The following DLGAP1 variants were observed in gnomAD, a reference collection of about 807,000 sequenced individuals.
DLGAP1 encodes DLG associated protein 1.
DLGAP1 carries 11 observed loss-of-function variants against 90.8 expected under a neutral mutation model. The ratio of observed to expected loss-of-function variants is 0.12; its 90% CI spans 0.08 to 0.20. DLGAP1 has a LOEUF of 0.20. Ranked by LOEUF, DLGAP1 falls within the 10% of genes least tolerant of loss-of-function variation. The pLI, the probability that DLGAP1 is intolerant of heterozygous loss-of-function variation, is 1.00. For synonymous variants in DLGAP1, 558 were observed against 540.7 expected, an observed-to-expected ratio of 1.03 and a Z score of -0.44; for missense variants, 1,050 against 1,333.8, an observed-to-expected ratio of 0.79 and a Z score of 3.31.
intron 1 of DLGAP1, among the ~76,000 whole-genome samples, chr18:4,433,725 A>T (rs893556570): frequency 6.6e-5 from 10 of 152,182 alleles, no homozygotes; most frequent in Non-Finnish European, 1.2e-4. Context: ...AATGCATTTT[A>T]TCTGTTAGAG....
At chr18:3,940,190 C>T (rs2072738412) in intron 3 of DLGAP1, among the ~76,000 whole-genome samples, 1 of 152,188 alleles carries the variant, frequency 6.6e-6, no homozygotes, top group Admixed American at 6.5e-5. Flanking sequence ...AGGCCTCCTG[C>T]AAACAGCTAC....
chr18:3,877,052 G>A (rs966857629), intron 4 of DLGAP1, among the ~76,000 whole-genome samples: 3 of 152,150 alleles, frequency 2.0e-5, no homozygotes, highest in Admixed American at 6.5e-5. Context: ...CCTCCAGATT[G>A]TGGGGCTTTA....
intron 7 of DLGAP1, among the ~76,000 whole-genome samples, chr18:3,693,092 T>C (rs2060955130): frequency 1.3e-5 from 2 of 152,198 alleles, no homozygotes; most frequent in African/African-American, 4.8e-5. Flanking sequence ...AGGCAAACTA[T>C]ATTTTCTTTT....
At chr18:4,381,596 A>G (rs567571216) in intron 1 of DLGAP1, among the ~76,000 whole-genome samples, 1 of 152,236 alleles carries the variant, frequency 6.6e-6, no homozygotes, top group East Asian at 1.9e-4. Context: ...GTTCTAGCAG[A>G]TTAAGAATCT....
chr18:4,037,996 G>C (rs1217474129), intron 2 of DLGAP1, among the ~76,000 whole-genome samples: 2 of 152,180 alleles, frequency 1.3e-5, no homozygotes, highest in Admixed American at 1.3e-4. Context: ...CATGTGATCA[G>C]AGGCAAAAAC....
Position 3,795,517 on chromosome 18 carries a change from T to C in DLGAP1, c.1172+18542A>G, listed in dbSNP as rs190316793. Among the ~76,000 whole-genome samples, 531 of 152,256 alleles carry C rather than the reference T, an allele frequency of 3.5e-3. 4 individuals are homozygous for C. The highest frequency in any genetic ancestry group is 0.017 in the Middle Eastern group (5 of 294). ...TTTTAGTAGAGACGGGGTTTCACCATGTTGGCCAGGATGGTCTCGATCTCT... is the reference window on the plus strand; with the variant it reads ...TTTTAGTAGAGACGGGGTTTCACCACGTTGGCCAGGATGGTCTCGATCTCT... On this transcript the variant is annotated intron_variant, in intron 5 of 12. Coordinates refer to ENST00000315677, the MANE Select transcript of DLGAP1 (RefSeq NM_004746.4).
At chr18:3,815,442 CT>C (rs1243763503) in intron 4 of DLGAP1, among the ~76,000 whole-genome samples, 1 of 152,176 alleles carries the variant, frequency 6.6e-6, no homozygotes, top group African/African-American at 2.4e-5. Context: ...AATAACACCT[CT>C]TTGCAAGTTT....
At position 3,616,661 on chromosome 18, in the gene DLGAP1, T is replaced by G. The variant is rs2057881155; in HGVS notation, c.1592-34413A>C. Among the ~76,000 whole-genome samples, 2 of 151,352 alleles carry G rather than the reference T, an allele frequency of 1.3e-5. 1 individual carries two copies. Among genetic ancestry groups the G allele is most frequent in the Admixed American group, 1.3e-4 (2 of 15,176 alleles). Reference sequence around the variant, plus strand: ...TCCCAGCTACTCCAGAGGCTGAGGTTGGAGGATCACTTGAGCCCAGAAGGT... The same window carrying G: ...TCCCAGCTACTCCAGAGGCTGAGGTGGGAGGATCACTTGAGCCCAGAAGGT... On this transcript the variant is annotated intron_variant, in intron 7 of 12. Transcript: ENST00000315677.
chr18:3,586,468 A>G (rs772120009), intron 7 of DLGAP1, among the ~76,000 whole-genome samples: 7 of 152,044 alleles, frequency 4.6e-5, no homozygotes, highest in Non-Finnish European at 8.8e-5. Flanking sequence ...GGAAGGTAAA[A>G]GGAATTCAAA....
At chr18:4,085,385 C>T (rs1423692322) in intron 2 of DLGAP1, among the ~76,000 whole-genome samples, 1 of 152,038 alleles carries the variant, frequency 6.6e-6, no homozygotes. Context: ...TTCAGCAAAA[C>T]CTGCTTAAGT....
intron 3 of DLGAP1, among the ~76,000 whole-genome samples, chr18:3,906,823 T>C (rs2071917513): frequency 6.6e-6 from 1 of 152,244 alleles, no homozygotes; most frequent in African/African-American, 2.4e-5. Context: ...TAACACACCA[T>C]GAGTGTGGTT....
intron 1 of DLGAP1, among the ~76,000 whole-genome samples, chr18:4,299,058 G>A (rs1022058215): frequency 2.1e-5 from 3 of 144,366 alleles, no homozygotes; most frequent in African/African-American, 7.9e-5. Context: ...TCTAGCCTGG[G>A]CGACAGAGCG....
At chr18:3,513,403 T>C (rs1189042381) in intron 10 of DLGAP1, among the ~76,000 whole-genome samples, 1 of 152,236 alleles carries the variant, frequency 6.6e-6, no homozygotes, top group African/African-American at 2.4e-5. Flanking sequence ...GCCACAGCCT[T>C]CTGAGCAGCT....
intron 2 of DLGAP1, among the ~76,000 whole-genome samples, chr18:4,012,087 T>C (rs2074434926): frequency 6.6e-6 from 1 of 152,038 alleles, no homozygotes; most frequent in African/African-American, 2.4e-5. Context: ...TCAAGCCCAA[T>C]CCTTTTCCAC....
At chr18:3,584,224 C>A (rs944658034) in intron 7 of DLGAP1, among the ~76,000 whole-genome samples, 3 of 152,172 alleles carry the variant, frequency 2.0e-5, no homozygotes, top group Non-Finnish European at 4.4e-5. Flanking sequence ...ATTATAAATT[C>A]ATTCAAATAA....
rs62087787 is a variant in DLGAP1, at chr18:4,408,980, A to C, written c.-267+46026T>G. On this transcript the variant is annotated intron_variant, in intron 1 of 12. Transcript: ENST00000315677. Reference sequence around the variant, plus strand: ...CATTATACACACACACACACACACAAACACACACACACACACACACATTGT... The same window carrying C: ...CATTATACACACACACACACACACACACACACACACACACACACACATTGT... Among the ~76,000 whole-genome samples the C allele has an allele frequency of 2.3e-3, 350 of 150,136 alleles. 1 individual carries two copies. Among genetic ancestry groups the C allele is most frequent in the African/African-American group, 7.7e-3 (316 of 41,042 alleles).
intron 8 of DLGAP1, among the ~76,000 whole-genome samples, chr18:3,576,563 C>A (rs1205079341): frequency 6.8e-6 from 1 of 146,610 alleles, no homozygotes; most frequent in African/African-American, 2.6e-5. Flanking sequence ...CCAGCTCCAG[C>A]TCCTTTTTTT....
intron 1 of DLGAP1, among the ~76,000 whole-genome samples, chr18:4,246,648 ATC>A (rs2078658485): frequency 6.6e-6 from 1 of 152,170 alleles, no homozygotes. Context: ...TATCCCCAGC[ATC>A]TCTTTCTTGT....
chr18:3,585,697 G>A (rs959371429), intron 7 of DLGAP1, among the ~76,000 whole-genome samples: 3 of 152,114 alleles, frequency 2.0e-5, no homozygotes, highest in Non-Finnish European at 2.9e-5. Flanking sequence ...TCATCCCAGC[G>A]TTTTGGGAGA....
Sources: gnomAD v4.1 joint callset for allele counts (sites outside exome capture counted in the v4.1 genomes callset) on GRCh38, gnomAD v4.1.1 for gene constraint, MANE v1.5 for transcripts, NCBI Gene and HGNC (gene_info 2026-07-23, HGNC 2026-07-21) for gene names.